The following SH2D2A variants were observed in gnomAD, a reference collection of about 807,000 sequenced individuals.
SH2D2A encodes SH2 domain containing 2A.
Under a neutral mutation model 43.6 loss-of-function variants are expected in SH2D2A, and 33 were observed. That is an observed-to-expected ratio of 0.76 (90% CI 0.57 to 1.01). The LOEUF (loss-of-function observed/expected upper bound fraction) is 1.01, where lower values mean the gene tolerates loss of function less well. SH2D2A is among the 50% of genes least tolerant of loss of function. The pLI, the probability that SH2D2A is intolerant of heterozygous loss-of-function variation, is 0.00. For missense variants in SH2D2A, 491 were observed against 503.1 expected, an observed-to-expected ratio of 0.98 and a Z score of 0.23; for synonymous variants, 212 against 206.1, an observed-to-expected ratio of 1.03 and a Z score of -0.25.
rs1284594668 is a variant in SH2D2A, at chr1:156,809,861, G to A, written c.568-54C>T. ...CTCGGTGGAGCGTTGGGGTGGGGGA[G>A]GTGATCAGGAGGACAAAATAATCCA... On this transcript the variant is annotated intron_variant, in intron 5 of 8. Coordinates refer to ENST00000368199, the MANE Select transcript of SH2D2A (RefSeq NM_003975.4). The surrounding 1 kb of genome is among the most constrained non-coding windows in gnomAD (Gnocchi z 4.8). 5.6e-6 allele frequency: 9 copies of A among 1,597,276 alleles called. No homozygotes were observed. In the African/African-American group the frequency reaches 8.1e-5, roughly 14 times the overall value.
rs771290258 is a variant in SH2D2A at position 156,809,531 on chromosome 1, A to G, written c.715-41T>C. On this transcript the variant is annotated intron_variant, in intron 6 of 8. Transcript: ENST00000368199. The surrounding 1 kb of genome is among the most constrained non-coding windows in gnomAD (Gnocchi z 4.8). ...AGGCCAGGGAGGAGTGGGGTGAGGG[A>G]GGCAGGGTTAAAGCCCCAGCCTAAC... The G allele has an allele frequency of 1.3e-6, 2 of 1,563,264 alleles. No homozygotes were observed. Among genetic ancestry groups the G allele is most frequent in the African/African-American group, 1.4e-5 (1 of 73,772 alleles).
chr1:156,811,095 C>T (rs1653380520), intron 5 of SH2D2A, among the ~76,000 whole-genome samples: 1 of 152,180 alleles, frequency 6.6e-6, no homozygotes, highest in African/African-American at 2.4e-5. Context: ...CCTCTCTCAG[C>T]ATCTCCTTCC....
chr1:156,809,235 TC>T lies in SH2D2A; in HGVS notation c.969del (p.Lys324ArgfsTer24). ...LPATLGHPVLRKSWSRPVPGG... is the reference protein window; with the variant it reads ...LPATLGHPVLXKSWSRPVPGG... ...CCTGGGACAGGCCTGGACCAGCTCT[TC>T]CGTAGGACAGGGTGCCCAAGGGTGG... On this transcript the variant is annotated frameshift_variant, in exon 7 of 9. Transcript: ENST00000368199. LOFTEE classifies it high-confidence loss of function. The surrounding 1 kb of genome is among the most constrained non-coding windows in gnomAD (Gnocchi z 4.8). The T allele has an allele frequency of 6.2e-7, 1 of 1,613,638 alleles. No individual in the cohort carries two copies. Among genetic ancestry groups the T allele is most frequent in the Non-Finnish European group, 8.5e-7 (1 of 1,179,750 alleles).
At chr1:156,815,285 G>T in intron 2 of SH2D2A, 64 bp from the exon 3 acceptor site, 2 of 1,257,218 alleles carry the variant, frequency 1.6e-6, no homozygotes, top group Non-Finnish European at 2.1e-6. Flanking sequence ...TCCTGACTTT[G>T]ATCCACCTGC....
chr1:156,808,646 T>C (rs1263290368), intron 7 of SH2D2A, among the ~76,000 whole-genome samples: 7 of 151,924 alleles, frequency 4.6e-5, no homozygotes, highest in African/African-American at 1.7e-4. Context: ...CATGAGGTAC[T>C]GACTTGAAGG....
rs939556854 is a variant in SH2D2A, at chr1:156,814,915, C to T, written c.308+122G>A. 1.9e-5 allele frequency: 15 copies of T among 794,350 alleles called. 1 individual carries two copies. The African/African-American group carries it at 2.0e-4, about 10-fold the overall frequency. The allele number at this position is 794,350 out of a possible 1,614,324, so 49.2% of individuals were successfully genotyped here. A position where few individuals can be genotyped will look rare whatever the true frequency, so the allele number is the denominator to read the frequency against. On this transcript the variant is annotated intron_variant, in intron 3 of 8. Coordinates refer to ENST00000368199, the MANE Select transcript of SH2D2A (RefSeq NM_003975.4). ...TCTGGGAGTGGGAGCCTGGAGTGGG[C>T]GCCTCCATCTACTCCAGACTGGTAG...
At position 156,809,857 on chromosome 1, in the gene SH2D2A, G is replaced by C; in HGVS notation, c.568-50C>G. On this transcript the variant is annotated intron_variant, in intron 5 of 8. Transcript: ENST00000368199. The surrounding 1 kb of genome is among the most constrained non-coding windows in gnomAD (Gnocchi z 4.8). ...GGCACTCGGTGGAGCGTTGGGGTGG[G>C]GGAGGTGATCAGGAGGACAAAATAA... The C allele has an allele frequency of 6.2e-7, 1 of 1,602,346 alleles. No homozygotes were observed. The highest frequency in any genetic ancestry group is 8.5e-7 in the Non-Finnish European group (1 of 1,174,404).
rs752596762 is a variant in SH2D2A, at chr1:156,814,006, A to G, written c.409T>C (p.Cys137Arg). 11 of 1,513,038 alleles carry G rather than the reference A, an allele frequency of 7.3e-6. No individual in the cohort carries two copies. The highest frequency in any genetic ancestry group is 9.7e-6 in the Non-Finnish European group (11 of 1,130,550). 93.7% of individuals were successfully genotyped at this position (1,513,038 alleles called of 1,614,324 possible). ...TGGGCCAGCAGGAAGTGGCGGCAGC[A>G]AGTCCGGCTCCTGGAGGGCGCCGTT... ...TFVLTYRSRT[C>R]CRHFLLAQLR... is the part of the protein sequence containing the mutation. Residue 137 changes from cysteine (C) to arginine (R), a missense_variant, in exon 5 of 9, where the codon TGC (cysteine) becomes CGC (arginine). By Grantham distance (180) the Cys-to-Arg change is radical (BLOSUM62 -3). Coordinates refer to ENST00000368199, the MANE Select transcript of SH2D2A (RefSeq NM_003975.4).
chr1:156,815,760 C>A, intron 2 of SH2D2A: 1 of 1,584,158 alleles, frequency 6.3e-7, no homozygotes, highest in South Asian at 1.1e-5. Flanking sequence ...GCACCCTGGT[C>A]ATCTGCGGAC....
At position 156,807,276 on chromosome 1, in the gene SH2D2A, G is replaced by T; in HGVS notation, c.1072C>A (p.Pro358Thr). 1 of 1,587,160 alleles carries T rather than the reference G, an allele frequency of 6.3e-7. No homozygotes were observed. Residue 358 changes from proline (P) to threonine (T), a missense_variant, in exon 8 of 9, where the codon CCC (proline) becomes ACC (threonine). Transcript: ENST00000368199. This position sits in a 1 kb window ranked among gnomAD's most constrained non-coding sequence, Gnocchi z 5.1. ...IGQGPPLPHQ[P>T]PPAWRHTLPH... ...AGGGTGTGTCTCCAGGCGGGTGGGGGCTGGTGGGGCAGGGGAGGGCCTTGC... is the reference window on the plus strand; with the variant it reads ...AGGGTGTGTCTCCAGGCGGGTGGGGTCTGGTGGGGCAGGGGAGGGCCTTGC...
chr1:156,815,076 C>T lies in SH2D2A; in HGVS notation c.269G>A (p.Gly90Glu), dbSNP rs774697903. 7 of 1,601,842 alleles carry T rather than the reference C, an allele frequency of 4.4e-6. No individual in the cohort carries two copies. The highest frequency in any genetic ancestry group is 6.0e-6 in the Non-Finnish European group (7 of 1,173,902). The change falls in exon 3 of 9, where the codon GGG becomes GAG. Residue 90 changes from glycine (G) to glutamate (E), a missense_variant. Transcript: ENST00000368199. ...KTQAHWLLQH[G>E]AAPAWFHGFI... ...GCCATGGAACCAGGCAGGGGCTGCC[C>T]CGTGCTGCAGGAGCCAGTGGGCCTG...
At position 156,816,031 on chromosome 1, in the gene SH2D2A, C is replaced by T. The variant is rs775270596; in HGVS notation, c.98G>A (p.Ser33Asn). The change falls in exon 2 of 9, where the codon AGC becomes AAC. Residue 33 changes from serine to asparagine, a missense_variant. Ser to Asn is a conservative substitution (Grantham distance 46, BLOSUM62 1). Transcript: ENST00000368199. ...TFQITDMTRR[S>N]CQNLGYTAAS... ...CGCAGTGTAGCCCAGGTTCTGGCAGCTCCTGCGGGTCATGTCTGTGATCTG... is the reference window on the plus strand; with the variant it reads ...CGCAGTGTAGCCCAGGTTCTGGCAGTTCCTGCGGGTCATGTCTGTGATCTG... 9.3e-6 allele frequency: 15 copies of T among 1,613,956 alleles called. No homozygotes were observed. The highest frequency in any genetic ancestry group is 1.3e-5 in the African/African-American group (1 of 74,934).
rs578175047 is a variant in SH2D2A, at chr1:156,813,624, C to T, written c.567+224G>A. On this transcript the variant is annotated intron_variant, in intron 5 of 8. Transcript: ENST00000368199. ...TGGCCTCTCCTTGCCCCTCTGACTCCGTGTGGCTGGGCTGGTCTCTTAAGG... is the reference window on the plus strand; with the variant it reads ...TGGCCTCTCCTTGCCCCTCTGACTCTGTGTGGCTGGGCTGGTCTCTTAAGG... Among the ~76,000 whole-genome samples the T allele has an allele frequency of 3.3e-5, 5 of 152,360 alleles. No individual in the cohort carries two copies. The South Asian group carries it at 8.3e-4, about 25-fold the overall frequency.
At chr1:156,815,014 C>A in intron 3 of SH2D2A, 23 bp downstream of exon 3, 1 of 1,448,868 alleles carries the variant, frequency 6.9e-7, no homozygotes, top group Non-Finnish European at 9.2e-7. Flanking sequence ...CTGTCTGGGC[C>A]AATTTCCTCC....
chr1:156,814,249 C>G lies in SH2D2A; in HGVS notation c.354G>C (p.Leu118Phe). Residue 118 changes from leucine (L) to phenylalanine (F), a missense_variant, in exon 4 of 9, where the codon TTG (leucine) becomes TTC (phenylalanine). Coordinates refer to ENST00000368199, the MANE Select transcript of SH2D2A (RefSeq NM_003975.4). Reference protein sequence around the residue: ...LLEPKPQGCYLVRFSESAVTF... With the variant: ...LLEPKPQGCYFVRFSESAVTF... ...TCACCGCGCTCTCGCTGAACCGCAC[C>G]AAGTAGCACCCCTGAGGCTTGGGCT... 6.2e-7 allele frequency: 1 copy of G among 1,614,046 alleles called. No individual in the cohort carries two copies. Among genetic ancestry groups the G allele is most frequent in the South Asian group, 1.1e-5 (1 of 91,078 alleles).
intron 3 of SH2D2A, 139 bp from the exon 4 acceptor site, chr1:156,814,433 G>T: frequency 7.0e-7 from 1 of 1,438,296 alleles, no homozygotes; most frequent in Non-Finnish European, 9.3e-7. Context: ...GCGGAGATGG[G>T]GAGAGAGAGC....
chr1:156,811,096 A>G (rs1653380799), intron 5 of SH2D2A, among the ~76,000 whole-genome samples: 1 of 152,128 alleles, frequency 6.6e-6, no homozygotes, highest in African/African-American at 2.4e-5. Context: ...CTCTCTCAGC[A>G]TCTCCTTCCG....
chr1:156,813,399 G>A (rs1345183718), intron 5 of SH2D2A, among the ~76,000 whole-genome samples: 1 of 152,198 alleles, frequency 6.6e-6, no homozygotes, highest in Non-Finnish European at 1.5e-5. Context: ...AGGCCTTAGG[G>A]ATAGGAGGAT....
chr1:156,809,697 T>A lies in SH2D2A; in HGVS notation c.678A>T (p.Pro226=). 6.2e-7 allele frequency: 1 copy of A among 1,613,650 alleles called. No homozygotes were observed. Among genetic ancestry groups the A allele is most frequent in the African/African-American group, 1.3e-5 (1 of 75,032 alleles). Residue 226 remains proline (P), a synonymous_variant, in exon 6 of 9, where the codon CCA becomes CCT. Transcript: ENST00000368199. The surrounding 1 kb of genome is among the most constrained non-coding windows in gnomAD (Gnocchi z 4.8). ...YSPIIKQGQA[P]VPMQKEGAGE... The stretch of plus-strand genomic sequence containing the variant: ...CGGCCCCCTCTTTCTGCATCGGGAC[T>A]GGGGCTTGCCCCTGTTTGATGATTG...
Sources: allele counts gnomAD v4.1 joint callset (sites outside exome capture counted in the v4.1 genomes callset), GRCh38; gene constraint gnomAD v4.1.1; non-coding constraint Gnocchi (gnomAD v3.1); transcripts MANE v1.5; gene names NCBI Gene and HGNC (gene_info 2026-07-23, HGNC 2026-07-21).